The following ERBB4 variants were observed in gnomAD, a reference collection of about 807,000 sequenced individuals.
The protein encoded by ERBB4 is erb-b2 receptor tyrosine kinase 4, also known as receptor tyrosine-protein kinase erbB-4.
Under a neutral mutation model 158.0 loss-of-function variants are expected in ERBB4, and 42 were observed. The observed-to-expected ratio is 0.27, with a 90% CI of 0.21 to 0.34. ERBB4 has a LOEUF of 0.34. Ranked by LOEUF, ERBB4 falls within the 10% of genes least tolerant of loss-of-function variation. ERBB4 has a pLI of 1.00. For missense variants in ERBB4, 1,333 were observed against 1,624.1 expected (o/e 0.82, Z 3.08); for synonymous variants, 583 against 558.7 (o/e 1.04, Z -0.61).
chr2:212,200,034 C>T (rs575525236), intron 1 of ERBB4, among the ~76,000 whole-genome samples: 1 of 152,262 alleles, frequency 6.6e-6, no homozygotes, highest in African/African-American at 2.4e-5. Flanking sequence ...ACTGAAAATC[C>T]TCAGCTATCT....
At chr2:212,523,552 G>A (rs7565257) in intron 1 of ERBB4, among the ~76,000 whole-genome samples, 42,771 of 146,478 alleles carry the variant, frequency 0.29, 6,180 homozygotes, top group African/African-American at 0.33. Context: ...AAGGCAAAAT[G>A]TTTATTTAAG....
intron 15 of ERBB4, among the ~76,000 whole-genome samples, chr2:211,664,300 A>G (rs2071536572): frequency 6.6e-6 from 1 of 151,834 alleles, no homozygotes; most frequent in African/African-American, 2.4e-5. Flanking sequence ...CCAGATATAA[A>G]GTACCCAAGC....
chr2:212,473,928 T>A (rs893810918), intron 1 of ERBB4, among the ~76,000 whole-genome samples: 1 of 152,144 alleles, frequency 6.6e-6, no homozygotes, highest in Non-Finnish European at 1.5e-5. Flanking sequence ...ATATCCATAT[T>A]AATCCTGAAT....
At chr2:212,186,629 A>T (rs930020704) in intron 1 of ERBB4, among the ~76,000 whole-genome samples, 2 of 152,190 alleles carry the variant, frequency 1.3e-5, no homozygotes, top group Non-Finnish European at 2.9e-5. Context: ...AACGTCTTCA[A>T]TAAGTCTTCT....
intron 1 of ERBB4, among the ~76,000 whole-genome samples, chr2:212,130,054 T>C (rs1163769852): frequency 6.6e-6 from 1 of 152,086 alleles, no homozygotes; most frequent in African/African-American, 2.4e-5. Context: ...AATCAAGCAA[T>C]GTATACAAGA....
intron 3 of ERBB4, among the ~76,000 whole-genome samples, chr2:211,928,921 AC>A (rs1380432036): frequency 6.6e-6 from 1 of 152,180 alleles, no homozygotes; most frequent in African/African-American, 2.4e-5. Context: ...CCTGATTTCA[AC>A]CTTTAATGAG....
At chr2:211,920,335 G>C (rs1012134372) in intron 3 of ERBB4, among the ~76,000 whole-genome samples, 2 of 151,840 alleles carry the variant, frequency 1.3e-5, no homozygotes, top group Non-Finnish European at 2.9e-5. Context: ...TTGCTATATA[G>C]TTTTATTTTC....
chr2:211,607,602 A>G (rs991804898), intron 19 of ERBB4, among the ~76,000 whole-genome samples: 8 of 152,108 alleles, frequency 5.3e-5, no homozygotes, highest in Non-Finnish European at 8.8e-5. Context: ...CATAATTGTA[A>G]TCCTCAGAGG....
At chr2:211,633,185 T>A (rs990336148) in intron 16 of ERBB4, among the ~76,000 whole-genome samples, 2 of 152,134 alleles carry the variant, frequency 1.3e-5, no homozygotes, top group South Asian at 2.1e-4. Context: ...CTGCATTAGA[T>A]CCTAGTTTGG....
intron 3 of ERBB4, among the ~76,000 whole-genome samples, chr2:211,864,054 C>T (rs1239004450): frequency 1.3e-5 from 2 of 152,180 alleles, no homozygotes; most frequent in Non-Finnish European, 2.9e-5. Context: ...GACCACTAGG[C>T]CTGCCTGTGT....
chr2:211,949,162 A>G (rs2080801879), intron 2 of ERBB4, among the ~76,000 whole-genome samples: 2 of 152,104 alleles, frequency 1.3e-5, no homozygotes, highest in South Asian at 4.1e-4. Flanking sequence ...AGCCATCATC[A>G]TTCCTCATCT....
At chr2:212,070,215 A>C (rs927509012) in intron 2 of ERBB4, among the ~76,000 whole-genome samples, 2 of 152,074 alleles carry the variant, frequency 1.3e-5, no homozygotes, top group Non-Finnish European at 2.9e-5. Context: ...ATCTAAGTAA[A>C]TGAAAAGATA....
In ERBB4 at chr2:211,709,274, T is replaced by TATACACATATATATATATATATAC. The variant is rs1553615210; in HGVS notation, c.1124+2775_1124+2776insGTATATATATATATATATGTGTAT. Among the ~76,000 whole-genome samples, 133 of 136,542 alleles carry TATACACATATATATATATATATAC rather than the reference T, an allele frequency of 9.7e-4. 2 individuals are homozygous for TATACACATATATATATATATATAC. Among genetic ancestry groups the TATACACATATATATATATATATAC allele is most frequent in the African/African-American group, 3.6e-3 (127 of 34,992 alleles). 89.6% of individuals were successfully genotyped at this position (136,542 alleles called of 152,430 possible). A position where few individuals can be genotyped will look rare whatever the true frequency, so the allele number is the denominator to read the frequency against. ...ATACACATATATATATATATATATA[T>TATACACATATATATATATATATAC]ACATACATATATATATACATATATA... On this transcript the variant is annotated intron_variant, in intron 9 of 27. Transcript: ENST00000342788.
intron 1 of ERBB4, among the ~76,000 whole-genome samples, chr2:212,224,805 A>C (rs2083419545): frequency 6.6e-6 from 1 of 152,092 alleles, no homozygotes; most frequent in Admixed American, 6.6e-5. Context: ...GAATGATGTA[A>C]CTGAAAATTT....
chr2:211,612,002 T>C (rs529143982), intron 19 of ERBB4, among the ~76,000 whole-genome samples: 1 of 152,254 alleles, frequency 6.6e-6, no homozygotes, highest in South Asian at 2.1e-4. Flanking sequence ...ATGAATACCA[T>C]GTCAAAACGG....
intron 3 of ERBB4, among the ~76,000 whole-genome samples, chr2:211,933,644 A>T (rs190228478): frequency 1.5e-3 from 226 of 152,124 alleles, no homozygotes; most frequent in African/African-American, 5.2e-3. Flanking sequence ...CTTGAATCAA[A>T]TTATATTTTT....
At chr2:211,805,720 C>T (rs1409443183) in intron 3 of ERBB4, among the ~76,000 whole-genome samples, 1 of 151,648 alleles carries the variant, frequency 6.6e-6, no homozygotes, top group Non-Finnish European at 1.5e-5. Context: ...GAACCAATAC[C>T]AAAAATAGAT....
chr2:211,676,711 T>C (rs1397142119), intron 13 of ERBB4, among the ~76,000 whole-genome samples: 1 of 152,200 alleles, frequency 6.6e-6, no homozygotes, highest in East Asian at 1.9e-4. Flanking sequence ...TTACACAAAA[T>C]GATTTCTATA....
At chr2:212,369,807 C>T (rs546694738) in intron 1 of ERBB4, among the ~76,000 whole-genome samples, 29 of 151,594 alleles carry the variant, frequency 1.9e-4, no homozygotes, top group Admixed American at 1.5e-3. Flanking sequence ...ATCCTCCTGC[C>T]TCAGCCTCAC....
Sources: gnomAD v4.1 joint callset for allele counts (sites outside exome capture counted in the v4.1 genomes callset) on GRCh38, gnomAD v4.1.1 for gene constraint, MANE v1.5 for transcripts, NCBI Gene and HGNC (gene_info 2026-07-23, HGNC 2026-07-21) for gene names.